Variants in CORO7 observed in about 807,000 individuals in gnomAD.
CORO7 encodes the protein coronin 7, also known as coronin-7.
Under a neutral mutation model 126.6 loss-of-function variants are expected in CORO7, and 107 were observed. The ratio of observed to expected loss-of-function variants is 0.85; its 90% CI spans 0.72 to 0.99. The LOEUF (loss-of-function observed/expected upper bound fraction) is 0.99, where lower values mean the gene tolerates loss of function less well. Among genes scored for constraint, CORO7 ranks in the 50% least tolerant of loss-of-function variants. The pLI is 0.00. For missense variants in CORO7, 1,314 were observed against 1,255.8 expected (o/e 1.05, Z -0.70); for synonymous variants, 603 against 536.8 (o/e 1.12, Z -1.70).
At chr16:4,405,776 C>T (rs920054088) in intron 5 of CORO7, among the ~76,000 whole-genome samples, 6 of 148,384 alleles carry the variant, frequency 4.0e-5, no homozygotes, top group South Asian at 2.1e-4. Context: ...TGCAGCCGTA[C>T]ATCACTCAAC....
At position 4,412,408 on chromosome 16, in the gene CORO7, C is replaced by G. The variant is rs1295142747; in HGVS notation, c.180G>C (p.Leu60=). The G allele has an allele frequency of 6.2e-7, 1 of 1,614,230 alleles. No homozygotes were observed. The highest frequency in any genetic ancestry group is 8.5e-7 in the Non-Finnish European group (1 of 1,180,044). The stretch of plus-strand genomic sequence containing the variant: ...GTCGCTTGTCCTCTCCTTGGCCTTG[C>G]AGAGGCACAATGCCCAGTACACCTG... ...DRPGVLGIVP[L]QGQGEDKRRV... Residue 60 remains leucine (L), a synonymous_variant, in exon 3 of 28, where the codon CTG becomes CTC. Transcript: ENST00000251166.
chr16:4,358,629 C>A (rs922817133), intron 23 of CORO7, 146 bp from the exon 24 acceptor site: 1 of 645,484 alleles, frequency 1.5e-6, no homozygotes, highest in African/African-American at 1.9e-5. Context: ...TCATGTTGAA[C>A]AACCTGCTCT....
chr16:4,382,952 A>G, intron 9 of CORO7: 4 of 1,442,848 alleles, frequency 2.8e-6, no homozygotes, highest in Non-Finnish European at 3.7e-6. Flanking sequence ...TGAGATGGCC[A>G]GCCCCCTCCT....
chr16:4,409,347 G>T (rs1037280402), intron 3 of CORO7, among the ~76,000 whole-genome samples: 3 of 152,246 alleles, frequency 2.0e-5, no homozygotes, highest in Non-Finnish European at 4.4e-5. Flanking sequence ...TCACTCTGGG[G>T]TGTGCTTGCT....
chr16:4,379,343 G>A (rs928296099), intron 9 of CORO7, among the ~76,000 whole-genome samples: 1 of 152,052 alleles, frequency 6.6e-6, no homozygotes, highest in Non-Finnish European at 1.5e-5. Context: ...TCCTGGGGAC[G>A]GCCCCAGCGG....
intron 17 of CORO7, 46 bp downstream of exon 17, chr16:4,361,315 C>G: frequency 6.2e-7 from 1 of 1,610,534 alleles, no homozygotes; most frequent in Non-Finnish European, 8.5e-7. Flanking sequence ...AGCCCCTATC[C>G]GGGACCCAGG....
At chr16:4,380,115 C>G (rs562488086) in intron 9 of CORO7, among the ~76,000 whole-genome samples, 1 of 151,854 alleles carries the variant, frequency 6.6e-6, no homozygotes, top group East Asian at 1.9e-4. Context: ...AGGCCTGGCA[C>G]TGCCCCTGGG....
At chr16:4,381,856 C>T (rs375648072) in intron 9 of CORO7, 16 of 1,602,460 alleles carry the variant, frequency 1.0e-5, no homozygotes, top group African/African-American at 6.7e-5. Flanking sequence ...TGAGGAGACG[C>T]GCTGCCACTT....
intron 13 of CORO7, 66 bp from the exon 14 acceptor site, chr16:4,364,479 A>C (rs1417133323): frequency 2.0e-6 from 3 of 1,474,778 alleles, no homozygotes; most frequent in African/African-American, 1.4e-5. Flanking sequence ...CCCCCATGGG[A>C]GGGTCAACTG....
intron 6 of CORO7, among the ~76,000 whole-genome samples, chr16:4,399,344 C>T (rs545354659): frequency 6.6e-6 from 1 of 152,202 alleles, no homozygotes; most frequent in Non-Finnish European, 1.5e-5. Flanking sequence ...CTTGACGATG[C>T]AGCATTTCAT....
rs1380698562 is a variant in CORO7, at chr16:4,365,993, G to A, written c.786-448C>T. On this transcript the variant is annotated intron_variant, in intron 9 of 27. Transcript: ENST00000251166. ...TGTGGACAGGCAGCATCCGGGAGCA[G>A]TGCAGGCAGCCCTGCCGTTCCGAAT... Among the ~76,000 whole-genome samples the A allele has an allele frequency of 2.0e-5, 3 of 152,350 alleles. 1 individual carries two copies. The highest frequency in any genetic ancestry group is 7.2e-5 in the African/African-American group (3 of 41,574).
At chr16:4,361,318 G>A (rs375507852) in intron 17 of CORO7, 43 bp downstream of exon 17, 5 of 1,609,798 alleles carry the variant, frequency 3.1e-6, no homozygotes, top group Admixed American at 3.4e-5. Context: ...CCCTATCCGG[G>A]ACCCAGGACC....
intron 1 of CORO7, among the ~76,000 whole-genome samples, chr16:4,413,641 G>A (rs2056297971): frequency 6.6e-6 from 1 of 151,988 alleles, no homozygotes; most frequent in Non-Finnish European, 1.5e-5. Flanking sequence ...GGGTTCAAGT[G>A]ATCCTCCTGC....
chr16:4,393,090 C>T (rs2055453778), intron 7 of CORO7, among the ~76,000 whole-genome samples: 1 of 152,282 alleles, frequency 6.6e-6, no homozygotes, highest in South Asian at 2.1e-4. Context: ...AAAGAGGGGG[C>T]GGAGGAGGGG....
In CORO7 at chr16:4,362,686, CTGGAGGGCG is replaced by C; in HGVS notation, c.1319_1327del (p.Thr440_Ser442del). ...GGTGCTGGAGAGTGAGGGCCCCAGG[CTGGAGGGCG>C]TGGAGGGCGAGGTCAGCGAACTGGG... is the stretch of plus-strand genomic sequence containing the variant. On this transcript the variant is annotated inframe_deletion, in exon 15 of 28. Transcript: ENST00000251166. This position sits in a 1 kb window ranked among gnomAD's most constrained non-coding sequence, Gnocchi z 5.3. The C allele has an allele frequency of 6.7e-7, 1 of 1,484,572 alleles. No individual in the cohort carries two copies. The highest frequency in any genetic ancestry group is 9.0e-7 in the Non-Finnish European group (1 of 1,116,836). 92.0% of individuals were successfully genotyped at this position (1,484,572 alleles called of 1,614,324 possible). A position where few individuals can be genotyped will look rare whatever the true frequency, so the allele number is the denominator to read the frequency against.
intron 9 of CORO7, among the ~76,000 whole-genome samples, chr16:4,366,117 T>C (rs117686573): frequency 6.6e-6 from 1 of 152,278 alleles, no homozygotes; most frequent in Non-Finnish European, 1.5e-5. Context: ...TGAGTTAAAG[T>C]TCCTGTGTCC....
chr16:4,365,596 G>C (rs1452100075), intron 9 of CORO7, 51 bp from the exon 10 acceptor site: 1 of 1,551,464 alleles, frequency 6.4e-7, no homozygotes, highest in Admixed American at 2.0e-5. Flanking sequence ...AGGGCTGCCA[G>C]ACTCGTAACC....
chr16:4,394,851 A>C (rs1313239831), intron 7 of CORO7, among the ~76,000 whole-genome samples: 1 of 152,242 alleles, frequency 6.6e-6, no homozygotes, highest in Non-Finnish European at 1.5e-5. Context: ...ATGCACAGAC[A>C]CAAACCAGAA....
chr16:4,413,514 C>G (rs2056292401), intron 1 of CORO7, 110 bp from the exon 2 acceptor site: 3 of 947,162 alleles, frequency 3.2e-6, no homozygotes, highest in Non-Finnish European at 4.7e-6. Flanking sequence ...CACAGCTGCA[C>G]CATTCGAGAT....
Sources: gnomAD v4.1 joint callset for allele counts (sites outside exome capture counted in the v4.1 genomes callset) on GRCh38, gnomAD v4.1.1 for gene constraint, Gnocchi (gnomAD v3.1) non-coding constraint, MANE v1.5 for transcripts, NCBI Gene and HGNC (gene_info 2026-07-23, HGNC 2026-07-21) for gene names.